The following PRUNE2 variants were observed in gnomAD, a reference collection of about 807,000 sequenced individuals.
PRUNE2 encodes protein prune homolog 2.
Under a neutral mutation model 252.0 loss-of-function variants are expected in PRUNE2, and 164 were observed. The observed-to-expected ratio is 0.65, with a 90% CI of 0.57 to 0.74. The LOEUF (loss-of-function observed/expected upper bound fraction) is 0.74, where lower values mean the gene tolerates loss of function less well. PRUNE2 is among the 30% of genes least tolerant of loss of function. PRUNE2 has a pLI of 0.00. For missense variants in PRUNE2, 3,495 were observed against 3,711.0 expected (o/e 0.94, Z 1.51); for synonymous variants, 1,292 against 1,350.2 (o/e 0.96, Z 0.94).
Position 76,611,623 on chromosome 9 carries a change from T to G in PRUNE2, c.*2947A>C, listed in dbSNP as rs1827473766. The G allele has an allele frequency of 6.6e-6, 1 of 152,478 alleles. No individual in the cohort carries two copies. The highest frequency in any genetic ancestry group is 1.5e-5 in the Non-Finnish European group (1 of 68,018). 9.4% of individuals were successfully genotyped at this position (152,478 alleles called of 1,614,324 possible). On this transcript the variant is annotated 3_prime_UTR_variant, in exon 19 of 19. Transcript: ENST00000376718. ...CTGAGGCATTGTGATAAGACGAGAG[T>G]TGCAAACATAGTACCATAACTGAAT...
chr9:76,792,059 G>A (rs905617365), intron 6 of PRUNE2, among the ~76,000 whole-genome samples: 3 of 152,144 alleles, frequency 2.0e-5, no homozygotes, highest in African/African-American at 7.2e-5. Context: ...GCCAGGGTGG[G>A]AGCAGTGTAT....
chr9:76,804,319 C>T lies in PRUNE2; in HGVS notation c.756+19313G>A, dbSNP rs144472910. ...GGCTTCGGTTGACCGATTGATGCCCCCGCCCCCTTCCTCACAGGGAACCCA... is the reference window on the plus strand; with the variant it reads ...GGCTTCGGTTGACCGATTGATGCCCTCGCCCCCTTCCTCACAGGGAACCCA... On this transcript the variant is annotated intron_variant, in intron 6 of 18. Coordinates refer to ENST00000376718, the MANE Select transcript of PRUNE2 (RefSeq NM_015225.3). Among the ~76,000 whole-genome samples, 33 of 152,320 alleles carry T rather than the reference C, an allele frequency of 2.2e-4. No individual in the cohort carries two copies. The East Asian group carries it at 5.0e-3, about 23-fold the overall frequency.
chr9:76,660,284 CA>C (rs1850798827), intron 9 of PRUNE2, among the ~76,000 whole-genome samples: 1 of 151,964 alleles, frequency 6.6e-6, no homozygotes, highest in South Asian at 2.1e-4. Context: ...TTCCCCTTAA[CA>C]AAAAGGGGAT....
rs1372364030 is a variant in PRUNE2, at chr9:76,787,240, T to C, written c.756+36392A>G. On this transcript the variant is annotated intron_variant, in intron 6 of 18. Transcript: ENST00000376718. ...TTTGTTACAACTTTTCTTACTCTTTTATCACCAAAGTGGCTTTTATTCTCT... is the reference window on the plus strand; with the variant it reads ...TTTGTTACAACTTTTCTTACTCTTTCATCACCAAAGTGGCTTTTATTCTCT... 5 of 152,336 alleles carry C rather than the reference T, an allele frequency of 3.3e-5. No homozygotes were observed. The East Asian group carries it at 9.6e-4, about 29-fold the overall frequency. The allele number at this position is 152,336 out of a possible 1,614,324, so 9.4% of individuals were successfully genotyped here.
At chr9:76,640,711 A>G (rs1384133664) in intron 12 of PRUNE2, among the ~76,000 whole-genome samples, 1 of 152,254 alleles carries the variant, frequency 6.6e-6, no homozygotes, top group African/African-American at 2.4e-5. Flanking sequence ...AAGATGCATA[A>G]TTAAATGGAA....
chr9:76,755,344 GA>G (rs973586689), intron 6 of PRUNE2, among the ~76,000 whole-genome samples: 5 of 152,020 alleles, frequency 3.3e-5, no homozygotes, highest in South Asian at 2.1e-4. Flanking sequence ...GTAAACGAAT[GA>G]AAAAAAGATA....
At position 76,861,565 on chromosome 9, in the gene PRUNE2, C is replaced by T. The variant is rs116800348; in HGVS notation, c.37-7357G>A. ...CTAAACCCAAAGCCTCAGTTCCCCC[C>T]GGTCAGGCTTCTTGAAGCCTGGAGC... On this transcript the variant is annotated intron_variant, in intron 1 of 18. Coordinates refer to ENST00000376718, the MANE Select transcript of PRUNE2 (RefSeq NM_015225.3). Among the ~76,000 whole-genome samples, 1,085 of 152,196 alleles carry T rather than the reference C, an allele frequency of 7.1e-3. 13 individuals carry two copies. Among genetic ancestry groups the T allele is most frequent in the African/African-American group, 0.025 (1,039 of 41,518 alleles).
At chr9:76,807,020 A>ATGTGTGTGTGTGTGTGTG (rs1554779764) in intron 6 of PRUNE2, among the ~76,000 whole-genome samples, 50 of 140,490 alleles carry the variant, frequency 3.6e-4, no homozygotes, top group African/African-American at 1.2e-3. Context: ...ACCTCATACA[A>ATGTGTGTGTGTGTGTGTG]TGTGTGTGTG....
Position 76,612,432 on chromosome 9 carries a change from G to A in PRUNE2, c.*2138C>T, listed in dbSNP as rs989948791. 2 of 152,228 alleles carry A rather than the reference G, an allele frequency of 1.3e-5. No homozygotes were observed. The highest frequency in any genetic ancestry group is 2.9e-5 in the Non-Finnish European group (2 of 68,038). 9.4% of individuals were successfully genotyped at this position (152,228 alleles called of 1,614,324 possible). ...ATTTTTCATTACTTCCTGTGACAGG[G>A]TGACCATGGAATTCATTTTACAAAA... On this transcript the variant is annotated 3_prime_UTR_variant, in exon 19 of 19. Transcript: ENST00000376718.
intron 10 of PRUNE2, among the ~76,000 whole-genome samples, chr9:76,653,878 A>G (rs1365058056): frequency 6.6e-6 from 1 of 152,172 alleles, no homozygotes; most frequent in Non-Finnish European, 1.5e-5. Context: ...CTTCCCGCTC[A>G]GCTGCCTTTC....
Position 76,706,161 on chromosome 9 carries a change from G to C in PRUNE2, c.6113C>G (p.Ser2038Cys), listed in dbSNP as rs754573220. Residue 2038 changes from serine (S) to cysteine (C), a missense_variant, in exon 8 of 19, where the codon TCT becomes TGT. Coordinates refer to ENST00000376718, the MANE Select transcript of PRUNE2 (RefSeq NM_015225.3). ...IMKPGSEWDGSTPSEDSRGTF... is the reference protein window; with the variant it reads ...IMKPGSEWDGCTPSEDSRGTF... ...ACCTCGGGAGTCCTCACTTGGGGTA[G>C]AGCCATCCCATTCAGAGCCTGGCTT... The C allele has an allele frequency of 1.2e-6, 2 of 1,613,994 alleles. No homozygotes were observed. Among genetic ancestry groups the C allele is most frequent in the African/African-American group, 1.3e-5 (1 of 75,044 alleles).
chr9:76,645,425 C>G (rs1844400678), intron 11 of PRUNE2, among the ~76,000 whole-genome samples: 1 of 152,080 alleles, frequency 6.6e-6, no homozygotes, highest in Non-Finnish European at 1.5e-5. Context: ...TGGGCTGAGC[C>G]CCCTATTGGG....
chr9:76,805,344 C>A (rs1012202064), intron 6 of PRUNE2, among the ~76,000 whole-genome samples: 1 of 152,126 alleles, frequency 6.6e-6, no homozygotes, highest in South Asian at 2.1e-4. Flanking sequence ...GGTGTGGCTG[C>A]GCACGGTGGC....
chr9:76,695,834 T>C (rs1241355466), intron 9 of PRUNE2, among the ~76,000 whole-genome samples: 1 of 151,980 alleles, frequency 6.6e-6, no homozygotes, highest in Non-Finnish European at 1.5e-5. Flanking sequence ...TTCTTGGGGG[T>C]TATACTCTCA....
intron 6 of PRUNE2, among the ~76,000 whole-genome samples, chr9:76,745,578 T>A (rs546997421): frequency 6.6e-6 from 1 of 152,016 alleles, no homozygotes; most frequent in South Asian, 2.1e-4. Flanking sequence ...CCCCAACCAA[T>A]CAGTAGCAAG....
At chr9:76,642,060 A>G (rs1278676936) in intron 12 of PRUNE2, 2 of 1,036,422 alleles carry the variant, frequency 1.9e-6, no homozygotes, top group Non-Finnish European at 2.8e-6. Context: ...ATTACTTGGC[A>G]TTATTGTTCT....
intron 6 of PRUNE2, among the ~76,000 whole-genome samples, chr9:76,717,597 A>G (rs1365134967): frequency 1.3e-5 from 2 of 152,160 alleles, no homozygotes; most frequent in Non-Finnish European, 2.9e-5. Context: ...AATTAAAATT[A>G]TATACGTGCA....
Position 76,707,181 on chromosome 9 carries a change from A to T in PRUNE2, c.5093T>A (p.Ile1698Lys), listed in dbSNP as rs1202763673. Reference protein sequence around the residue: ...DDDSVGGEESIEEEIQVANCH... With the variant: ...DDDSVGGEESKEEEIQVANCH... ...GTTGGCCACCTGGATCTCTTCCTCTATTGACTCTTCACCACCGACACTGTC... is the reference window on the plus strand; with the variant it reads ...GTTGGCCACCTGGATCTCTTCCTCTTTTGACTCTTCACCACCGACACTGTC... Residue 1698 changes from isoleucine (I) to lysine (K), a missense_variant, in exon 8 of 19, where the codon ATA (isoleucine) becomes AAA (lysine). Coordinates refer to ENST00000376718, the MANE Select transcript of PRUNE2 (RefSeq NM_015225.3). 1 of 1,613,852 alleles carries T rather than the reference A, an allele frequency of 6.2e-7. No homozygotes were observed. The highest frequency in any genetic ancestry group is 1.3e-5 in the African/African-American group (1 of 74,912).
chr9:76,869,155 G>A (rs1278397461), intron 1 of PRUNE2: 1 of 152,178 alleles, frequency 6.6e-6, no homozygotes, highest in South Asian at 2.1e-4. Context: ...TAATACTCAC[G>A]AGTGTAAATG....
Sources: allele counts gnomAD v4.1 joint callset (sites outside exome capture counted in the v4.1 genomes callset), GRCh38; gene constraint gnomAD v4.1.1; transcripts MANE v1.5; gene names NCBI Gene and HGNC (gene_info 2026-07-23, HGNC 2026-07-21).